WNT7A: variants seen among roughly 807,000 people sequenced by gnomAD.
WNT7A encodes the protein protein Wnt-7a.
WNT7A carries 16 observed loss-of-function variants against 28.2 expected under a neutral mutation model. The observed-to-expected ratio is 0.57, with a 90% confidence interval of 0.38 to 0.86. The LOEUF (loss-of-function observed/expected upper bound fraction) is 0.86. Among genes scored for constraint, WNT7A ranks in the 40% least tolerant of loss-of-function variants. WNT7A has a pLI of 0.00. For synonymous variants in WNT7A, 190 were observed against 195.9 expected (o/e 0.97, Z 0.25); for missense variants, 411 against 489.7 (o/e 0.84, Z 1.52).
intron 3 of WNT7A, among the ~76,000 whole-genome samples, chr3:13,851,237 C>T (rs1694632459): frequency 2.6e-5 from 4 of 152,242 alleles, no homozygotes; most frequent in African/African-American, 7.2e-5. Context: ...CCACCAAAGC[C>T]TCTTCTGGGC....
chr3:13,843,111 G>A (rs1025289689), intron 3 of WNT7A, among the ~76,000 whole-genome samples: 5 of 152,236 alleles, frequency 3.3e-5, no homozygotes, highest in Admixed American at 6.5e-5. Context: ...GACCTGGACC[G>A]CTCCTTCTCT....
At chr3:13,835,557 G>C (rs545356982) in intron 3 of WNT7A, among the ~76,000 whole-genome samples, 2 of 152,250 alleles carry the variant, frequency 1.3e-5, no homozygotes, top group Non-Finnish European at 2.9e-5. Context: ...AGAGGACCCA[G>C]AGCACGGGCC....
intron 1 of WNT7A, among the ~76,000 whole-genome samples, chr3:13,878,752 G>A (rs1283662288): frequency 6.6e-6 from 1 of 152,186 alleles, no homozygotes; most frequent in Non-Finnish European, 1.5e-5. Context: ...GGCTGGAGGG[G>A]CAGGGTGTGT....
intron 3 of WNT7A, among the ~76,000 whole-genome samples, chr3:13,827,689 C>G (rs79676987): frequency 0.017 from 2,598 of 152,268 alleles, 52 homozygotes; most frequent in Admixed American, 0.052. Flanking sequence ...CTGGCTCCCA[C>G]AGGGTCCATG....
Position 13,865,585 on chromosome 3 carries a change from G to T in WNT7A, c.298+9362C>A, listed in dbSNP as rs569886418. 5.8e-4 allele frequency among the ~76,000 whole-genome samples: 88 copies of T among 152,336 alleles called. 1 individual carries two copies. The Middle Eastern group carries it at 0.017, about 29-fold the overall frequency. ...TGCAGTTTTTTATTTGGGGTGAGAA[G>T]TAAACAGCCGTCACTCACGCAACAG... On this transcript the variant is annotated intron_variant, in intron 2 of 3. Transcript: ENST00000285018.
At chr3:13,857,778 G>A (rs148287905) in intron 2 of WNT7A, among the ~76,000 whole-genome samples, 2 of 152,158 alleles carry the variant, frequency 1.3e-5, no homozygotes, top group Non-Finnish European at 2.9e-5. Context: ...TGAGAGAAAA[G>A]GACAATCAGA....
chr3:13,828,504 G>A (rs1276484196), intron 3 of WNT7A, among the ~76,000 whole-genome samples: 1 of 152,198 alleles, frequency 6.6e-6, no homozygotes, highest in Non-Finnish European at 1.5e-5. Flanking sequence ...TACCCTAACT[G>A]CAACAGAAAT....
chr3:13,858,936 G>A (rs565234985), intron 2 of WNT7A, among the ~76,000 whole-genome samples: 9 of 152,296 alleles, frequency 5.9e-5, no homozygotes, highest in South Asian at 2.1e-4. Flanking sequence ...TGTGACTAAC[G>A]TCAGGGCTGT....
chr3:13,850,447 G>A (rs1202524583), intron 3 of WNT7A, among the ~76,000 whole-genome samples: 3 of 152,192 alleles, frequency 2.0e-5, no homozygotes, highest in African/African-American at 7.2e-5. Context: ...CGGACCAGAC[G>A]GGGCAGGGCA....
Position 13,818,350 on chromosome 3 carries a change from G to GAAAAAAAAAAAAA in WNT7A, c.*593_*594insTTTTTTTTTTTTT, listed in dbSNP as rs1491270987. 5.5e-5 allele frequency: 1 copy of GAAAAAAAAAAAAA among 18,160 alleles called. No homozygotes were observed. Among genetic ancestry groups the GAAAAAAAAAAAAA allele is most frequent in the African/African-American group, 4.6e-4 (1 of 2,166 alleles). 1.1% of individuals were successfully genotyped at this position (18,160 alleles called of 1,614,324 possible). On this transcript the variant is annotated 3_prime_UTR_variant, in exon 4 of 4. Coordinates refer to ENST00000285018, the MANE Select transcript of WNT7A (RefSeq NM_004625.4). The stretch of plus-strand genomic sequence containing the variant: ...ATTTCTGGATAAGTAGCAGCAAACA[G>GAAAAAAAAAAAAA]CAAAAAAAAAAAAAAAAATGTGTGT...
intron 2 of WNT7A, among the ~76,000 whole-genome samples, chr3:13,867,750 G>A (rs1473457379): frequency 2.6e-5 from 4 of 152,192 alleles, no homozygotes; most frequent in Non-Finnish European, 5.9e-5. Flanking sequence ...AACCCAATGG[G>A]AGAACCCACA....
At chr3:13,840,916 T>C (rs1694447089) in intron 3 of WNT7A, among the ~76,000 whole-genome samples, 1 of 152,188 alleles carries the variant, frequency 6.6e-6, no homozygotes, top group African/African-American at 2.4e-5. Flanking sequence ...TGGGGTCCCA[T>C]AGTCCCCTAC....
intron 2 of WNT7A, among the ~76,000 whole-genome samples, chr3:13,860,735 A>G (rs1451846026): frequency 6.6e-6 from 1 of 152,150 alleles, no homozygotes; most frequent in African/African-American, 2.4e-5. Flanking sequence ...TGCTCCGAGA[A>G]CAGCCCTTCT....
intron 3 of WNT7A, among the ~76,000 whole-genome samples, chr3:13,820,974 C>G (rs554823277): frequency 1.3e-5 from 2 of 152,216 alleles, no homozygotes; most frequent in Non-Finnish European, 2.9e-5. Context: ...AGGACCCCCC[C>G]ACACGCAGCC....
chr3:13,868,581 AG>A (rs1210967139), intron 2 of WNT7A, among the ~76,000 whole-genome samples: 293 of 20,010 alleles, frequency 0.015, 46 homozygotes, highest in African/African-American at 0.071. Flanking sequence ...AGAGAGAGAG[AG>A]AGAGAGAGGG....
intron 2 of WNT7A, among the ~76,000 whole-genome samples, chr3:13,864,353 C>T (rs1334679631): frequency 4.6e-5 from 7 of 152,282 alleles, no homozygotes; most frequent in African/African-American, 7.2e-5. Flanking sequence ...ACCCTCCCTA[C>T]GCTACGCCCT....
intron 3 of WNT7A, among the ~76,000 whole-genome samples, chr3:13,843,623 G>A (rs995319063): frequency 5.3e-5 from 8 of 151,570 alleles, no homozygotes; most frequent in African/African-American, 1.7e-4. Flanking sequence ...TGCCTCACCT[G>A]CAAAACGGGC....
intron 3 of WNT7A, among the ~76,000 whole-genome samples, chr3:13,849,496 T>G (rs1694594588): frequency 6.6e-6 from 1 of 152,222 alleles, no homozygotes; most frequent in Non-Finnish European, 1.5e-5. Flanking sequence ...ATATCATTTG[T>G]TCACTCAACA....
rs1694207671 is a variant in WNT7A at position 13,827,079 on chromosome 3, G to GTCACTACTC, written c.571-7657_571-7656insGAGTAGTGA. On this transcript the variant is annotated intron_variant, in intron 3 of 3. Transcript: ENST00000285018. ...ACTACTCCACAGGGTCTGCAGGCCT[G>GTCACTACTC]ACCCAGGACAGAGTGAGCAGGAAGG... Among the ~76,000 whole-genome samples the GTCACTACTC allele has an allele frequency of 2.0e-5, 3 of 152,210 alleles. No individual in the cohort carries two copies. The South Asian group carries it at 6.2e-4, about 32-fold the overall frequency.
Sources: allele counts gnomAD v4.1 joint callset (sites outside exome capture counted in the v4.1 genomes callset), GRCh38; gene constraint gnomAD v4.1.1; transcripts MANE v1.5; gene names NCBI Gene and HGNC (gene_info 2026-07-23, HGNC 2026-07-21).